Variants in ZFTRAF1 observed in about 807,000 individuals in gnomAD.
ZFTRAF1 encodes zinc finger TRAF-type and ring finger containing 1, also known as zinc finger TRAF-type-containing protein 1.
chr8:144,455,693 C>G, the ZFTRAF1 span: 1 of 152,332 alleles, frequency 6.6e-6, no homozygotes, highest in Non-Finnish European at 1.5e-5. Context: ...AAACAGCACT[C>G]TTCTTGGCTG....
the ZFTRAF1 span, among the ~76,000 whole-genome samples, chr8:144,458,687 C>G: frequency 6.6e-6 from 1 of 152,212 alleles, no homozygotes; most frequent in Non-Finnish European, 1.5e-5. Flanking sequence ...CCAACCCACC[C>G]ACAGAACAGA....
the ZFTRAF1 span, chr8:144,450,589 G>T: frequency 7.0e-6 from 5 of 718,058 alleles, no homozygotes; most frequent in African/African-American, 5.2e-5. Context: ...GCGGTGCCGT[G>T]ACCTTGCTCT....
the ZFTRAF1 span, among the ~76,000 whole-genome samples, chr8:144,462,093 A>G: frequency 6.6e-6 from 1 of 152,158 alleles, no homozygotes; most frequent in African/African-American, 2.4e-5. Flanking sequence ...GCCCTGAGAG[A>G]AAGACAACGA....
the ZFTRAF1 span, chr8:144,450,133 T>G: frequency 2.0e-6 from 1 of 502,854 alleles, no homozygotes; most frequent in Non-Finnish European, 3.6e-6. Flanking sequence ...TGGTGCACCG[T>G]CTCCTCTTCG....
the ZFTRAF1 span, chr8:144,453,087 G>A: frequency 1.3e-6 from 1 of 776,126 alleles, no homozygotes; most frequent in East Asian, 2.7e-5. Context: ...GCCGTCACTG[G>A]GCTACACAGG....
chr8:144,449,842 G>C, the ZFTRAF1 span: 1 of 166,466 alleles, frequency 6.0e-6, no homozygotes, highest in Non-Finnish European at 1.3e-5. Context: ...ACACAGATGG[G>C]GGCGGGGCAG....
the ZFTRAF1 span, chr8:144,453,147 GC>G: frequency 7.6e-7 from 1 of 1,323,186 alleles, no homozygotes. Flanking sequence ...CCTGCACAGG[GC>G]CCTGCTGCAC....
At chr8:144,460,646 G>A in the ZFTRAF1 span, among the ~76,000 whole-genome samples, 12 of 152,238 alleles carry the variant, frequency 7.9e-5, no homozygotes, top group African/African-American at 1.2e-4. Flanking sequence ...ACTTCAGAAG[G>A]CCGAGGCAGG....
At chr8:144,461,589 G>A in the ZFTRAF1 span, among the ~76,000 whole-genome samples, 1 of 152,216 alleles carries the variant, frequency 6.6e-6, no homozygotes. Flanking sequence ...GGTGAGGTGG[G>A]CAGGAGCCTA....
At chr8:144,453,570 T>C in the ZFTRAF1 span, 22 of 982,512 alleles carry the variant, frequency 2.2e-5, no homozygotes, top group Non-Finnish European at 3.0e-5. Flanking sequence ...CTCCAGCTGG[T>C]GCAGAGGGGC....
chr8:144,452,243 C>T, the ZFTRAF1 span: 1 of 1,194,904 alleles, frequency 8.4e-7, no homozygotes, highest in South Asian at 1.3e-5. Flanking sequence ...TGTCCAGAGC[C>T]CGGCTGTCCG....
At chr8:144,460,857 C>T in the ZFTRAF1 span, among the ~76,000 whole-genome samples, 9 of 152,236 alleles carry the variant, frequency 5.9e-5, no homozygotes, top group Middle Eastern at 3.4e-3. Flanking sequence ...TCACTCCAGC[C>T]TGGGTGACAG....
At chr8:144,462,371 G>A in the ZFTRAF1 span, 7 of 466,466 alleles carry the variant, frequency 1.5e-5, no homozygotes, top group Admixed American at 6.6e-5. Context: ...GCTGCCGGCC[G>A]CCGCCGCCGC....
the ZFTRAF1 span, chr8:144,450,242 C>T: frequency 1.6e-6 from 1 of 615,144 alleles, no homozygotes; most frequent in Non-Finnish European, 2.9e-6. Context: ...TGCAGACTTG[C>T]CCTGTGTTGG....
At chr8:144,450,170 G>A in the ZFTRAF1 span, 7 of 553,704 alleles carry the variant, frequency 1.3e-5, no homozygotes, top group East Asian at 3.0e-5. Context: ...GGCGGCCCTC[G>A]GAAGGAGGGG....
the ZFTRAF1 span, chr8:144,452,308 GCCC>G: frequency 5.2e-6 from 8 of 1,535,442 alleles, no homozygotes; most frequent in Admixed American, 1.2e-4. Context: ...CTGGCTGCCA[GCCC>G]CCCAACCCAC....
At chr8:144,459,704 C>T in the ZFTRAF1 span, among the ~76,000 whole-genome samples, 2 of 152,238 alleles carry the variant, frequency 1.3e-5, no homozygotes, top group Non-Finnish European at 2.9e-5. Flanking sequence ...AGTTGTCCCC[C>T]ACAGCCCCAG....
the ZFTRAF1 span, chr8:144,450,318 G>T: frequency 1.5e-6 from 1 of 678,986 alleles, no homozygotes. Flanking sequence ...CCAGCCAGGT[G>T]GACAGGGCAG....
chr8:144,450,277 A>C, the ZFTRAF1 span: 1 of 636,302 alleles, frequency 1.6e-6, no homozygotes, highest in Non-Finnish European at 2.9e-6. Flanking sequence ...CTCCTTTGCT[A>C]AAGTGATCAG....
Sources: allele counts gnomAD v4.1 joint callset (sites outside exome capture counted in the v4.1 genomes callset), GRCh38; gene constraint gnomAD v4.1.1; transcripts MANE v1.5; gene names NCBI Gene and HGNC (gene_info 2026-07-23, HGNC 2026-07-21).